The following CHST1 variants were observed in gnomAD, a reference collection of about 807,000 sequenced individuals.
CHST1 encodes the protein Keratan sulfotransferase.
In CHST1, 10 loss-of-function variants were observed where a neutral mutation model predicts 22.5. The ratio of observed to expected loss-of-function variants is 0.44; its 90% confidence interval spans 0.27 to 0.75. The LOEUF is 0.75. CHST1 is among the 30% of genes least tolerant of loss of function. The pLI is 0.15. For synonymous variants in CHST1, 267 were observed against 264.5 expected (o/e 1.01, Z -0.09); for missense variants, 439 against 576.1 (o/e 0.76, Z 2.44).
chr11:45,652,445 C>T (rs1590688972), intron 2 of CHST1, 76 bp downstream of exon 2: 1 of 152,210 alleles, frequency 6.6e-6, no homozygotes, highest in African/African-American at 2.4e-5. Context: ...ATAATCCTAA[C>T]CCTTTAAAAT....
intron 3 of CHST1, 105 bp from the exon 4 acceptor site, chr11:45,651,070 TGTCCA>T (rs1851993408): frequency 1.3e-6 from 1 of 772,476 alleles, no homozygotes; most frequent in Non-Finnish European, 2.0e-6. Flanking sequence ...GCCCGGCTCC[TGTCCA>T]GTGCTCACCA....
At chr11:45,656,956 C>T (rs979120939) in intron 1 of CHST1, among the ~76,000 whole-genome samples, 1 of 152,134 alleles carries the variant, frequency 6.6e-6, no homozygotes, top group Non-Finnish European at 1.5e-5. Flanking sequence ...TGACTCTTCT[C>T]CCAGACATTT....
intron 1 of CHST1, among the ~76,000 whole-genome samples, chr11:45,660,656 A>G (rs1205059483): frequency 6.6e-6 from 1 of 152,204 alleles, no homozygotes; most frequent in Admixed American, 6.5e-5. Context: ...TACCTTCAGA[A>G]TGTCTGCAGC....
chr11:45,650,801 C>G lies in CHST1; in HGVS notation c.123G>C (p.Gly41=), dbSNP rs772356003. Residue 41 remains glycine (G), a synonymous_variant, in exon 4 of 4, where the codon GGG becomes GGC. Transcript: ENST00000308064. ...FHTCPGLAEA[G]LAERLCEESP... ...TCTCCTCGCACAGTCGCTCGGCCAG[C>G]CCGGCCTCTGCCAGCCCGGGGCAGG... The G allele has an allele frequency of 8.0e-5, 129 of 1,612,790 alleles. No homozygotes were observed. Among genetic ancestry groups the G allele is most frequent in the Non-Finnish European group, 1.0e-4 (121 of 1,179,354 alleles).
rs770736998 is a variant in CHST1 at position 45,650,465 on chromosome 11, G to A, written c.459C>T (p.Arg153=). 1 of 1,612,730 alleles carries A rather than the reference G, an allele frequency of 6.2e-7. No individual in the cohort carries two copies. The highest frequency in any genetic ancestry group is 1.1e-5 in the South Asian group (1 of 91,076). Residue 153 remains arginine, a synonymous_variant, in exon 4 of 4, where the codon CGC becomes CGT. Coordinates refer to ENST00000308064, the MANE Select transcript of CHST1 (RefSeq NM_003654.6). ...AGCAGAGGACCCGGCTGGCCCCGCG[G>A]CGGAAGATCCTGTCGGTGGTGTGGT... ...PVNHTTDRIF[R]RGASRVLCSR... is the part of the protein sequence containing the mutation.
chr11:45,649,985 G>C lies in CHST1; in HGVS notation c.939C>G (p.Thr313=). 6.2e-7 allele frequency: 1 copy of C among 1,613,992 alleles called. No individual in the cohort carries two copies. Among genetic ancestry groups the C allele is most frequent in the Non-Finnish European group, 8.5e-7 (1 of 1,180,028 alleles). Residue 313 remains threonine, a synonymous_variant, in exon 4 of 4, where the codon ACC becomes ACG. Coordinates refer to ENST00000308064, the MANE Select transcript of CHST1 (RefSeq NM_003654.6). ...TGCCCAGGAACCCGTAGATCTCCTC[G>C]GTCTTCTTCATAGGGTTCCGAGCCA... ...EDLARNPMKK[T]EEIYGFLGIP... is the part of the protein sequence containing the mutation.
Position 45,648,458 on chromosome 11 carries a change from G to A in CHST1, c.*1230C>T, listed in dbSNP as rs1851944749. 1.3e-5 allele frequency among the ~76,000 whole-genome samples: 2 copies of A among 151,428 alleles called. No individual in the cohort carries two copies. The highest frequency in any genetic ancestry group is 4.9e-5 in the African/African-American group (2 of 41,098). On this transcript the variant is annotated 3_prime_UTR_variant, in exon 4 of 4. Transcript: ENST00000308064. ...GCACTTTGGGAGGCTGAGGCAGGAG[G>A]AATGCCCAGAGCTCAGGAGTTCGCG...
intron 1 of CHST1, among the ~76,000 whole-genome samples, chr11:45,657,344 GA>G (rs1403077519): frequency 2.0e-5 from 3 of 152,222 alleles, no homozygotes; most frequent in African/African-American, 7.2e-5. Context: ...ATAAGAGTCT[GA>G]AACAACCAGA....
intron 1 of CHST1, among the ~76,000 whole-genome samples, chr11:45,662,362 C>T (rs1852145468): frequency 6.6e-6 from 1 of 152,214 alleles, no homozygotes; most frequent in African/African-American, 2.4e-5. Context: ...GGCTCCTAGA[C>T]AGGTAGGGTC....
intron 1 of CHST1, among the ~76,000 whole-genome samples, chr11:45,659,711 G>C (rs943944591): frequency 6.6e-6 from 1 of 152,198 alleles, no homozygotes; most frequent in Non-Finnish European, 1.5e-5. Context: ...AGTGACTCTG[G>C]GTCTGGGCTA....
In CHST1 at chr11:45,649,630, G is replaced by C. The variant is rs1489194895; in HGVS notation, c.*58C>G. On this transcript the variant is annotated 3_prime_UTR_variant, in exon 4 of 4. Coordinates refer to ENST00000308064, the MANE Select transcript of CHST1 (RefSeq NM_003654.6). ...GGTTAATAAGGCAACAGTTAAAAAC[G>C]GTCCATTTTATCAAAACCGACACCT... 10 of 1,486,676 alleles carry C rather than the reference G, an allele frequency of 6.7e-6. No individual in the cohort carries two copies. The highest frequency in any genetic ancestry group is 1.4e-5 in the African/African-American group (1 of 71,454). The allele number at this position is 1,486,676 out of a possible 1,614,324, so 92.1% of individuals were successfully genotyped here.
intron 1 of CHST1, among the ~76,000 whole-genome samples, chr11:45,664,282 C>G (rs1038397554): frequency 1.3e-5 from 2 of 152,218 alleles, no homozygotes; most frequent in Non-Finnish European, 2.9e-5. Context: ...GGCCCAAGCC[C>G]GTCTTCAGGC....
rs1478703490 is a variant in CHST1, at chr11:45,649,679, C to T, written c.*9G>A. The T allele has an allele frequency of 6.5e-6, 10 of 1,544,184 alleles. No homozygotes were observed. Among genetic ancestry groups the T allele is most frequent in the Non-Finnish European group, 8.7e-6 (10 of 1,151,660 alleles). ...CTTGCGCCTCCCGCCCCCACCCGCA[C>T]CGCCCGGGTCACGAGAAGGGGCGGA... On this transcript the variant is annotated 3_prime_UTR_variant, in exon 4 of 4. Transcript: ENST00000308064.
rs1300918436 is a variant in CHST1, at chr11:45,648,677, C to T, written c.*1011G>A. ...TTGCACTCCAGCCTGGGTGACAGAG[C>T]GAGACTCTGTCTCAAAACAAAACAA... On this transcript the variant is annotated 3_prime_UTR_variant, in exon 4 of 4. Transcript: ENST00000308064. 3.3e-5 allele frequency among the ~76,000 whole-genome samples: 5 copies of T among 152,170 alleles called. No individual in the cohort carries two copies. The East Asian group carries it at 7.7e-4, about 24-fold the overall frequency.
Position 45,650,782 on chromosome 11 carries a change from C to T in CHST1, c.142G>A (p.Glu48Lys). 1 of 1,613,796 alleles carries T rather than the reference C, an allele frequency of 6.2e-7. No homozygotes were observed. Among genetic ancestry groups the T allele is most frequent in the Non-Finnish European group, 8.5e-7 (1 of 1,179,886 alleles). Residue 48 changes from glutamate to lysine, a missense_variant, in exon 4 of 4, where the codon GAG (glutamate) becomes AAG (lysine). By Grantham distance (56) the Glu-to-Lys change is moderately conservative. Transcript: ENST00000308064. ...TTGTAGGCGAAGGTGGGGCTCTCCT[C>T]GCACAGTCGCTCGGCCAGCCCGGCC... The part of the protein sequence containing the change: ...AEAGLAERLC[E>K]ESPTFAYNLS...
intron 1 of CHST1, among the ~76,000 whole-genome samples, chr11:45,661,574 G>A: frequency 6.6e-6 from 1 of 152,234 alleles, no homozygotes; most frequent in African/African-American, 2.4e-5. Context: ...CCCAGGGCTG[G>A]TGTGTAGCTG....
Position 45,650,298 on chromosome 11 carries a change from C to T in CHST1, c.626G>A (p.Arg209His). ...ERSHVAIKTV[R>H]VPEVNDLRAL... The stretch of plus-strand genomic sequence containing the variant: ...GCGCAGGTCGTTCACCTCGGGCACG[C>T]GCACCGTCTTGATGGCCACGTGGCT... Residue 209 changes from arginine (R) to histidine (H), a missense_variant, in exon 4 of 4, where the codon CGC becomes CAC. Transcript: ENST00000308064. The T allele has an allele frequency of 6.2e-7, 1 of 1,605,042 alleles. No homozygotes were observed. The highest frequency in any genetic ancestry group is 8.5e-7 in the Non-Finnish European group (1 of 1,179,528).
Position 45,649,583 on chromosome 11 carries a change from A to T in CHST1, c.*105T>A. 2 of 1,208,082 alleles carry T rather than the reference A, an allele frequency of 1.7e-6. No individual in the cohort carries two copies. Among genetic ancestry groups the T allele is most frequent in the South Asian group, 1.5e-5 (1 of 68,688 alleles). The allele number at this position is 1,208,082 out of a possible 1,614,324, so 74.8% of individuals were successfully genotyped here. A position where few individuals can be genotyped will look rare whatever the true frequency, so the allele number is the denominator to read the frequency against. On this transcript the variant is annotated 3_prime_UTR_variant, in exon 4 of 4. Transcript: ENST00000308064. ...GTGAGCTGGGGGCAGGAAGGACACGAAGATGAGGTGGGAGAGGGAGGGGTT... is the reference window on the plus strand; with the variant it reads ...GTGAGCTGGGGGCAGGAAGGACACGTAGATGAGGTGGGAGAGGGAGGGGTT...
intron 1 of CHST1, among the ~76,000 whole-genome samples, chr11:45,657,132 CAGGG>C (rs1468583956): frequency 6.6e-6 from 1 of 152,084 alleles, no homozygotes; most frequent in African/African-American, 2.4e-5. Context: ...GGGAATGGGA[CAGGG>C]AGGGAGGAGC....
Sources: gnomAD v4.1 joint callset for allele counts (sites outside exome capture counted in the v4.1 genomes callset) on GRCh38, gnomAD v4.1.1 for gene constraint, MANE v1.5 for transcripts, NCBI Gene and HGNC (gene_info 2026-07-23, HGNC 2026-07-21) for gene names.